Variants in XIRP2 observed in about 807,000 individuals in gnomAD.
XIRP2 encodes xin actin binding repeat containing 2, also known as xin actin-binding repeat-containing protein 2.
Under a neutral mutation model 277.0 loss-of-function variants are expected in XIRP2, and 236 were observed. That is an observed-to-expected ratio of 0.85 (90% CI 0.77 to 0.95). The LOEUF (loss-of-function observed/expected upper bound fraction) is 0.95, where lower values mean the gene tolerates loss of function less well. Ranked by LOEUF, XIRP2 falls within the 40% of genes least tolerant of loss-of-function variation. XIRP2 has a pLI of 0.00. For missense variants in XIRP2, 4,640 were observed against 4,157.5 expected, an observed-to-expected ratio of 1.12 and a Z score of -3.19; for synonymous variants, 1,490 against 1,416.5, an observed-to-expected ratio of 1.05 and a Z score of -1.17.
intron 5 of XIRP2, among the ~76,000 whole-genome samples, chr2:167,227,049 A>G (rs948106756): frequency 4.6e-5 from 7 of 152,124 alleles, no homozygotes; most frequent in African/African-American, 1.7e-4. Context: ...ATTCTAATGT[A>G]CAGCAATGAC....
intron 2 of XIRP2, among the ~76,000 whole-genome samples, chr2:167,031,519 C>T (rs561870848): frequency 1.3e-5 from 2 of 151,870 alleles, no homozygotes; most frequent in African/African-American, 2.4e-5. Context: ...TTGAATTTGT[C>T]CCTGTTTGCA....
At position 167,258,444 on chromosome 2, in the gene XIRP2, A is replaced by G. The variant is rs747103389; in HGVS notation, c.*627A>G. The G allele has an allele frequency of 6.2e-7, 1 of 1,613,438 alleles. No homozygotes were observed. The highest frequency in any genetic ancestry group is 8.5e-7 in the Non-Finnish European group (1 of 1,179,742). On this transcript the variant is annotated 3_prime_UTR_variant, in exon 11 of 11. Coordinates refer to ENST00000409195, the MANE Select transcript of XIRP2 (RefSeq NM_152381.6). ...GAAGGAAGAAAAGATGAAAAGAAGG[A>G]AGGAAGGAAGAATGTGCAAGATAGG... is the stretch of plus-strand genomic sequence containing the variant.
At position 167,249,803 on chromosome 2, in the gene XIRP2, A is replaced by G. The variant is rs1157017653; in HGVS notation, c.8411A>G (p.Gln2804Arg). 1.2e-6 allele frequency: 2 copies of G among 1,613,512 alleles called. No individual in the cohort carries two copies. The highest frequency in any genetic ancestry group is 1.1e-5 in the South Asian group (1 of 91,064). The change falls in exon 9 of 11, where the codon CAA becomes CGA. Residue 2804 changes from glutamine to arginine, a missense_variant. Physicochemically the swap from Gln to Arg is conservative, Grantham distance 43 (BLOSUM62 1). Coordinates refer to ENST00000409195, the MANE Select transcript of XIRP2 (RefSeq NM_152381.6). ...EDKLKMVPRK[Q>R]REFSGSDRGK... The stretch of plus-strand genomic sequence containing the variant: ...AAGCTCAAGATGGTTCCCAGGAAGC[A>G]AAGAGAATTTAGCGGATCTGACAGA...
chr2:166,974,129 C>T lies in XIRP2; in HGVS notation c.408+70239C>T, dbSNP rs143845114. Among the ~76,000 whole-genome samples, 975 of 152,152 alleles carry T rather than the reference C, an allele frequency of 6.4e-3. 4 individuals are homozygous for T. Among genetic ancestry groups the T allele is most frequent in the Middle Eastern group, 0.014 (4 of 294 alleles). On this transcript the variant is annotated intron_variant, in intron 2 of 10. Transcript: ENST00000409195. The stretch of plus-strand genomic sequence containing the variant: ...CTTAAAAAATAACATGTGCTGATTG[C>T]GATCTGTGTTTCTGTGGCTTTTGTT...
At chr2:167,169,885 C>A (rs1692634199) in intron 3 of XIRP2, among the ~76,000 whole-genome samples, 1 of 152,100 alleles carries the variant, frequency 6.6e-6, no homozygotes, top group African/African-American at 2.4e-5. Flanking sequence ...TTCTTCCTTG[C>A]TGATCATTTT....
rs1695589774 is a variant in XIRP2, at chr2:167,254,017, A to C, written c.10556-15A>C. The C allele has an allele frequency of 1.9e-6, 3 of 1,572,960 alleles. No individual in the cohort carries two copies. Among genetic ancestry groups the C allele is most frequent in the Non-Finnish European group, 2.6e-6 (3 of 1,162,188 alleles). On this transcript the variant is annotated splice_polypyrimidine_tract_variant and intron_variant, in intron 9 of 10. Coordinates refer to ENST00000409195, the MANE Select transcript of XIRP2 (RefSeq NM_152381.6). ...AGATAACACTACAGAAGGCTTTGTA[A>C]ATTTTTATTTTTAGAAGCTGCTGCT... is the stretch of plus-strand genomic sequence containing the variant.
intron 6 of XIRP2, among the ~76,000 whole-genome samples, 181 bp downstream of exon 6, chr2:167,240,146 G>C (rs541787097): frequency 6.6e-6 from 1 of 152,128 alleles, no homozygotes; most frequent in African/African-American, 2.4e-5. Flanking sequence ...AGGCGCGGTG[G>C]CTTGCACCTG....
chr2:167,173,627 C>G (rs1022451714), intron 3 of XIRP2, among the ~76,000 whole-genome samples: 9 of 152,080 alleles, frequency 5.9e-5, no homozygotes, highest in African/African-American at 2.2e-4. Context: ...ATTGATTTCC[C>G]TTTTTTGAGG....
At chr2:167,070,599 A>G (rs1402954431) in intron 2 of XIRP2, among the ~76,000 whole-genome samples, 2 of 152,240 alleles carry the variant, frequency 1.3e-5, no homozygotes, top group Admixed American at 6.5e-5. Context: ...TGGCCATAGT[A>G]GCTCAAATGG....
At chr2:167,146,766 A>G (rs753900374) in intron 3 of XIRP2, among the ~76,000 whole-genome samples, 1 of 152,122 alleles carries the variant, frequency 6.6e-6, no homozygotes, top group Non-Finnish European at 1.5e-5. Flanking sequence ...TGCAGCATGC[A>G]CAATGAAGGC....
chr2:167,204,041 GA>G (rs1408757506), intron 3 of XIRP2, among the ~76,000 whole-genome samples: 5 of 151,936 alleles, frequency 3.3e-5, no homozygotes, highest in African/African-American at 4.8e-5. Context: ...TGTATCACCT[GA>G]AGTGTGCTTG....
At position 167,258,436 on chromosome 2, in the gene XIRP2, AAAGAAGGAAGGAAGG is replaced by A; in HGVS notation, c.*625_*639del. On this transcript the variant is annotated 3_prime_UTR_variant, in exon 11 of 11. Coordinates refer to ENST00000409195, the MANE Select transcript of XIRP2 (RefSeq NM_152381.6). ...AAATGCCTGAAGGAAGAAAAGATGA[AAAGAAGGAAGGAAGG>A]AAGAATGTGCAAGATAGGCCGAGTG... 6.2e-7 allele frequency: 1 copy of A among 1,613,414 alleles called. No homozygotes were observed. Among genetic ancestry groups the A allele is most frequent in the Non-Finnish European group, 8.5e-7 (1 of 1,179,730 alleles).
chr2:167,138,764 T>C (rs1164104852), intron 3 of XIRP2, among the ~76,000 whole-genome samples: 2 of 152,152 alleles, frequency 1.3e-5, no homozygotes, highest in East Asian at 1.9e-4. Context: ...ATTATACTAA[T>C]ATAAAAATCT....
chr2:167,208,492 T>C (rs912364336), intron 3 of XIRP2, among the ~76,000 whole-genome samples: 3 of 152,110 alleles, frequency 2.0e-5, no homozygotes, highest in African/African-American at 4.8e-5. Flanking sequence ...TATTTTTTAG[T>C]AGAGACGGGG....
At chr2:167,050,415 G>T (rs192952654) in intron 2 of XIRP2, among the ~76,000 whole-genome samples, 1 of 152,190 alleles carries the variant, frequency 6.6e-6, no homozygotes, top group African/African-American at 2.4e-5. Flanking sequence ...AATACAGTTA[G>T]CACTATTGCT....
At chr2:167,122,077 T>C (rs1348292097) in intron 2 of XIRP2, among the ~76,000 whole-genome samples, 1 of 152,180 alleles carries the variant, frequency 6.6e-6, no homozygotes, top group Non-Finnish European at 1.5e-5. Flanking sequence ...AAAATAATCA[T>C]GTCCATGCCT....
At position 167,258,172 on chromosome 2, in the gene XIRP2, C is replaced by T. The variant is rs576596092; in HGVS notation, c.*355C>T. On this transcript the variant is annotated 3_prime_UTR_variant, in exon 11 of 11. Transcript: ENST00000409195. The stretch of plus-strand genomic sequence containing the variant: ...AATTAAAAGTCATTTGGCCTCCTTC[C>T]AAGGAGATCCCTAAGAAAACCTTAC... 1.2e-6 allele frequency: 2 copies of T among 1,612,954 alleles called. No individual in the cohort carries two copies. Among genetic ancestry groups the T allele is most frequent in the African/African-American group, 1.3e-5 (1 of 74,946 alleles).
At chr2:166,974,353 A>T (rs1686656721) in intron 2 of XIRP2, among the ~76,000 whole-genome samples, 1 of 152,180 alleles carries the variant, frequency 6.6e-6, no homozygotes, top group African/African-American at 2.4e-5. Flanking sequence ...AGCACTAGAA[A>T]TGATAATATG....
intron 4 of XIRP2, among the ~76,000 whole-genome samples, chr2:167,216,005 A>C (rs1436010106): frequency 2.0e-5 from 3 of 151,042 alleles, no homozygotes; most frequent in African/African-American, 7.3e-5. Context: ...GATCTTTGAC[A>C]AACCTGAGAA....
Sources: gnomAD v4.1 joint callset for allele counts (sites outside exome capture counted in the v4.1 genomes callset) on GRCh38, gnomAD v4.1.1 for gene constraint, MANE v1.5 for transcripts, NCBI Gene and HGNC (gene_info 2026-07-23, HGNC 2026-07-21) for gene names.